Variants in MGA observed in about 807,000 individuals in gnomAD.
MGA encodes MAX gene-associated protein.
Under a neutral mutation model 261.1 loss-of-function variants are expected in MGA, and 40 were observed. The ratio of observed to expected loss-of-function variants is 0.15; its 90% CI spans 0.12 to 0.20. MGA has a LOEUF of 0.20. Ranked by LOEUF, MGA falls within the 10% of genes least tolerant of loss-of-function variation. The probability of loss-of-function intolerance (pLI) is 1.00; values close to 1 mark genes in which losing one functional copy is unlikely to be tolerated. For missense variants in MGA, 3,397 were observed against 3,630.5 expected, an observed-to-expected ratio of 0.94 and a Z score of 1.65; for synonymous variants, 1,302 against 1,290.6, an observed-to-expected ratio of 1.01 and a Z score of -0.19.
At chr15:41,671,680 A>G (rs946595559) in intron 2 of MGA, among the ~76,000 whole-genome samples, 1 of 152,158 alleles carries the variant, frequency 6.6e-6, no homozygotes, top group Admixed American at 6.6e-5. Flanking sequence ...AAGTAAAGAA[A>G]TCCCTGCACA....
chr15:41,621,806 C>A (rs1453160335), intron 1 of MGA, among the ~76,000 whole-genome samples: 1 of 152,180 alleles, frequency 6.6e-6, no homozygotes, highest in Non-Finnish European at 1.5e-5. Flanking sequence ...CGGGGTGCGA[C>A]GTGTTCACTG....
At chr15:41,723,538 C>T (rs998369488) in intron 9 of MGA, among the ~76,000 whole-genome samples, 3 of 152,172 alleles carry the variant, frequency 2.0e-5, no homozygotes, top group African/African-American at 7.2e-5. Flanking sequence ...GTCTTAGCCT[C>T]TGGAGTAGCT....
intron 19 of MGA, among the ~76,000 whole-genome samples, chr15:41,758,728 T>C (rs2063284935): frequency 6.6e-6 from 1 of 152,220 alleles, no homozygotes; most frequent in Non-Finnish European, 1.5e-5. Context: ...TCCCATTCTA[T>C]GTTAATGCAT....
chr15:41,682,788 C>T (rs1454218160), intron 2 of MGA, among the ~76,000 whole-genome samples: 8 of 152,044 alleles, frequency 5.3e-5, no homozygotes, highest in Non-Finnish European at 5.9e-5. Flanking sequence ...GCCTCATGTA[C>T]GTTCTTTTGT....
intron 1 of MGA, among the ~76,000 whole-genome samples, chr15:41,627,262 C>T (rs2056478366): frequency 6.6e-6 from 1 of 152,122 alleles, no homozygotes; most frequent in Non-Finnish European, 1.5e-5. Flanking sequence ...ATAGTTTATT[C>T]AGATTTCCTT....
intron 2 of MGA, among the ~76,000 whole-genome samples, chr15:41,674,901 A>T (rs901678387): frequency 3.0e-4 from 46 of 152,222 alleles, no homozygotes; most frequent in African/African-American, 1.1e-3. Flanking sequence ...CAAAATGTTC[A>T]TTATTATAGA....
At chr15:41,701,758 A>G (rs149737144) in intron 5 of MGA, among the ~76,000 whole-genome samples, 71 of 152,324 alleles carry the variant, frequency 4.7e-4, no homozygotes, top group Admixed American at 1.9e-3. Flanking sequence ...TCAAAGCTTT[A>G]AAAACACAGC....
At chr15:41,743,676 G>A (rs1241411439) in intron 15 of MGA, among the ~76,000 whole-genome samples, 1 of 152,156 alleles carries the variant, frequency 6.6e-6, no homozygotes, top group Non-Finnish European at 1.5e-5. Flanking sequence ...TTTGTGGGGT[G>A]TGGGGGGTGC....
intron 5 of MGA, among the ~76,000 whole-genome samples, chr15:41,699,515 T>G (rs1410009169): frequency 6.6e-6 from 1 of 151,938 alleles, no homozygotes; most frequent in African/African-American, 2.4e-5. Flanking sequence ...GTGTGTTTGT[T>G]TGAGACGGAG....
chr15:41,765,944 AAG>A (rs1263440591), intron 23 of MGA, 58 bp from the exon 24 acceptor site: 25 of 1,353,984 alleles, frequency 1.8e-5, no homozygotes, highest in Non-Finnish European at 2.4e-5. Context: ...GACAGAGAGA[AAG>A]AGAGGTGTTA....
At chr15:41,631,246 G>A (rs568270401) in intron 1 of MGA, among the ~76,000 whole-genome samples, 1 of 152,232 alleles carries the variant, frequency 6.6e-6, no homozygotes, top group East Asian at 1.9e-4. Flanking sequence ...TTGAAGTTCT[G>A]CATTTTCTCT....
At chr15:41,707,993 GT>G in intron 6 of MGA, 110 bp from the exon 7 acceptor site, 3 of 1,359,484 alleles carry the variant, frequency 2.2e-6, no homozygotes, top group Non-Finnish European at 3.0e-6. Flanking sequence ...TGTTGTTATA[GT>G]TTTGATAAGT....
At chr15:41,693,954 G>T (rs2059418587) in intron 2 of MGA, among the ~76,000 whole-genome samples, 1 of 152,016 alleles carries the variant, frequency 6.6e-6, no homozygotes, top group Admixed American at 6.6e-5. Flanking sequence ...TCAAATCACT[G>T]CCTTGCAGTG....
At chr15:41,655,810 C>T (rs574094308), upstream of MGA, among the ~76,000 whole-genome samples, 1 of 152,244 alleles carries the variant, frequency 6.6e-6, no homozygotes, top group Admixed American at 6.5e-5. Flanking sequence ...ACAACTCTAC[C>T]CCTTTGGGAA....
rs1481073830 is a variant in MGA at position 41,669,277 on chromosome 15, C to G, written c.383C>G (p.Ser128Cys). The change falls in exon 2 of 24, where the codon TCT becomes TGT. Residue 128 changes from serine (S) to cysteine (C), a missense_variant. This residue lies in a region of MGA where 104 missense variants were observed against 212.9 expected (regional missense o/e 0.49). Coordinates refer to ENST00000219905, the MANE Select transcript of MGA (RefSeq NM_001164273.2). ...AAGTATATTCTTGTCATGGATATAT[C>G]TCCTGTGGATAACCATCGTTATAAG... 8 of 1,613,868 alleles carry G rather than the reference C, an allele frequency of 5.0e-6. No individual in the cohort carries two copies. Among genetic ancestry groups the G allele is most frequent in the Non-Finnish European group, 6.8e-6 (8 of 1,179,866 alleles).
chr15:41,690,932 A>G (rs1277278517), intron 2 of MGA, among the ~76,000 whole-genome samples: 7 of 151,868 alleles, frequency 4.6e-5, no homozygotes, highest in Admixed American at 6.6e-5. Context: ...GCTTTGTACT[A>G]AGCTGAAACC....
In MGA at chr15:41,754,559, C is replaced by T. The variant is rs888920232; in HGVS notation, c.7131C>T (p.Phe2377=). ...CCACAGCGGCCCACACACAGTCATTCAAACAGCCGTAAGTCTTATTTCTCT... is the reference window on the plus strand; with the variant it reads ...CCACAGCGGCCCACACACAGTCATTTAAACAGCCGTAAGTCTTATTTCTCT... Residue 2377 remains phenylalanine (F), a synonymous_variant, in exon 18 of 24, where the codon TTC becomes TTT. Coordinates refer to ENST00000219905, the MANE Select transcript of MGA (RefSeq NM_001164273.2). The T allele has an allele frequency of 3.2e-6, 5 of 1,576,264 alleles. No individual in the cohort carries two copies. The African/African-American group carries it at 4.1e-5, about 13-fold the overall frequency.
intron 8 of MGA, among the ~76,000 whole-genome samples, chr15:41,712,151 G>A (rs1349723640): frequency 6.6e-6 from 1 of 152,208 alleles, no homozygotes; most frequent in East Asian, 1.9e-4. Context: ...AAGGGTTGCA[G>A]GAAGGAATTT....
intron 2 of MGA, among the ~76,000 whole-genome samples, chr15:41,674,972 G>T (rs994267129): frequency 1.3e-5 from 2 of 152,102 alleles, no homozygotes; most frequent in Non-Finnish European, 2.9e-5. Context: ...CATTAGCTAT[G>T]ATAGTCATTC....
Sources: allele counts gnomAD v4.1 joint callset (sites outside exome capture counted in the v4.1 genomes callset), GRCh38; gene constraint gnomAD v4.1.1; regional missense constraint gnomAD v4.1.1; transcripts MANE v1.5; gene names NCBI Gene and HGNC (gene_info 2026-07-23, HGNC 2026-07-21).